Variants in MRPL18 observed in about 807,000 individuals in gnomAD.
The protein encoded by MRPL18 is mitochondrial ribosomal protein L18.
MRPL18 carries 16 observed loss-of-function variants against 20.9 expected under a neutral mutation model. That is an observed-to-expected ratio of 0.76 (90% CI 0.52 to 1.16). The LOEUF (loss-of-function observed/expected upper bound fraction) is 1.16. MRPL18 is among the 50% of genes most tolerant of loss of function. The probability of loss-of-function intolerance (pLI) is 0.00; values close to 1 mark genes in which losing one functional copy is unlikely to be tolerated. For missense variants in MRPL18, 233 were observed against 230.6 expected, an observed-to-expected ratio of 1.01 and a Z score of -0.07; for synonymous variants, 91 against 87.1, an observed-to-expected ratio of 1.04 and a Z score of -0.25.
chr6:159,797,231 T>C, intron 2 of MRPL18, 56 bp from the exon 3 acceptor site: 1 of 1,467,568 alleles, frequency 6.8e-7, no homozygotes, highest in Admixed American at 1.7e-5. Context: ...CCTCAATTAA[T>C]GTAACTTTAG....
intron 1 of MRPL18, 119 bp downstream of exon 1, chr6:159,790,758 C>G: frequency 6.9e-7 from 1 of 1,442,924 alleles, no homozygotes; most frequent in Non-Finnish European, 9.5e-7. Flanking sequence ...CGCGGCACTG[C>G]GAAGACCACA....
chr6:159,797,610 A>G, intron 3 of MRPL18, 92 bp downstream of exon 3: 1 of 1,195,790 alleles, frequency 8.4e-7, no homozygotes, highest in Admixed American at 2.0e-5. Context: ...TTACTTACCA[A>G]ATACTTTCCA....
intron 3 of MRPL18, 95 bp from the exon 4 acceptor site, chr6:159,797,956 TC>T (rs1405461947): frequency 3.9e-6 from 4 of 1,029,196 alleles, no homozygotes; most frequent in African/African-American, 3.3e-5. Flanking sequence ...CAAGAACAAA[TC>T]AATTTATTTC....
chr6:159,797,636 G>A (rs1309705592), intron 3 of MRPL18, 118 bp downstream of exon 3: 1 of 881,284 alleles, frequency 1.1e-6, no homozygotes, highest in African/African-American at 1.7e-5. Context: ...CAGACCCTTT[G>A]GTGAGTACTC....
intron 2 of MRPL18, 81 bp downstream of exon 2, chr6:159,791,207 A>G (rs949230430): frequency 6.6e-7 from 1 of 1,522,876 alleles, no homozygotes; most frequent in East Asian, 2.3e-5. Context: ...GCACTCTCCC[A>G]GGTAGCTGCC....
rs34648343 is a variant in MRPL18 at position 159,793,363 on chromosome 6, C to CT, written c.239+2244dup. ...ATTGTGAGCTAAAAACTTGTTTTTA[C>CT]TTTTTTTAAGTTAAAAAAAAAATCA... is the stretch of plus-strand genomic sequence containing the variant. On this transcript the variant is annotated intron_variant, in intron 2 of 3. Coordinates refer to ENST00000367034, the MANE Select transcript of MRPL18 (RefSeq NM_014161.5). 2.0e-5 allele frequency among the ~76,000 whole-genome samples: 3 copies of CT among 150,794 alleles called. No homozygotes were observed. In the South Asian group the frequency reaches 6.3e-4, roughly 31 times the overall value.
At chr6:159,793,689 C>A (rs1780962788) in intron 2 of MRPL18, among the ~76,000 whole-genome samples, 1 of 152,092 alleles carries the variant, frequency 6.6e-6, no homozygotes, top group South Asian at 2.1e-4. Flanking sequence ...GCGGGCGGAT[C>A]ACGAGGTCAG....
chr6:159,791,571 CGA>C (rs1428847665), intron 2 of MRPL18, among the ~76,000 whole-genome samples: 1 of 152,134 alleles, frequency 6.6e-6, no homozygotes, highest in African/African-American at 2.4e-5. Flanking sequence ...TGGGAAACTA[CGA>C]GAGGATTTAA....
At chr6:159,797,607 C>T in intron 3 of MRPL18, 89 bp downstream of exon 3, 1 of 1,239,730 alleles carries the variant, frequency 8.1e-7, no homozygotes, top group Non-Finnish European at 1.1e-6. Context: ...TTTTTACTTA[C>T]CAAATACTTT....
At chr6:159,789,978 C>G (rs1364929865), upstream of MRPL18, 1 of 177,188 alleles carries the variant, frequency 5.6e-6, no homozygotes, top group African/African-American at 2.4e-5. Context: ...GCGAGTCGTG[C>G]GTTTTAGGTT....
intron 2 of MRPL18, among the ~76,000 whole-genome samples, chr6:159,793,003 AT>A (rs1196483335): frequency 1.5e-5 from 2 of 137,276 alleles, no homozygotes; most frequent in East Asian, 4.3e-4. Context: ...TTTTTCTGGT[AT>A]TTTTTGTAGA....
chr6:159,797,472 A>G lies in MRPL18; in HGVS notation c.425A>G (p.Asn142Ser). The G allele has an allele frequency of 6.2e-7, 1 of 1,614,242 alleles. No individual in the cohort carries two copies. Among genetic ancestry groups the G allele is most frequent in the Non-Finnish European group, 8.5e-7 (1 of 1,180,042 alleles). ...LAQRCLEAGI[N>S]FMVYQPTPWE... ...CAGAGATGCTTAGAGGCGGGAATCA[A>G]CTTCATGGTCTACCAACCAACCCCG... The change falls in exon 3 of 4, where the codon AAC becomes AGC. Residue 142 changes from asparagine to serine, a missense_variant. Coordinates refer to ENST00000367034, the MANE Select transcript of MRPL18 (RefSeq NM_014161.5).
At chr6:159,797,910 C>A in intron 3 of MRPL18, 142 bp from the exon 4 acceptor site, 1 of 663,546 alleles carries the variant, frequency 1.5e-6, no homozygotes, top group South Asian at 2.0e-5. Flanking sequence ...TTATTAAGAT[C>A]ACTTTCTGAA....
intron 2 of MRPL18, among the ~76,000 whole-genome samples, chr6:159,796,149 T>TTA (rs951607580): frequency 5.5e-5 from 7 of 126,498 alleles, no homozygotes; most frequent in African/African-American, 2.0e-4. Flanking sequence ...TTTTTTTTTT[T>TTA]AACCATGCAG....
chr6:159,793,581 T>C (rs187731985), intron 2 of MRPL18, among the ~76,000 whole-genome samples: 1 of 152,230 alleles, frequency 6.6e-6, no homozygotes, highest in African/African-American at 2.4e-5. Context: ...ATCTGGCACT[T>C]TGTGGAAAAA....
Position 159,790,652 on chromosome 6 carries a change from G to C in MRPL18, c.52+13G>C, listed in dbSNP as rs746903005. 6.2e-7 allele frequency: 1 copy of C among 1,613,854 alleles called. No homozygotes were observed. Among genetic ancestry groups the C allele is most frequent in the Non-Finnish European group, 8.5e-7 (1 of 1,179,844 alleles). The stretch of plus-strand genomic sequence containing the variant: ...TGCAGGAACCCTGGTAATTAGTCTT[G>C]CCCCCCTTCTCCCAGCTCACTCGCC... On this transcript the variant is annotated intron_variant, in intron 1 of 3. Transcript: ENST00000367034.
chr6:159,796,761 G>T (rs1781038791), intron 2 of MRPL18, among the ~76,000 whole-genome samples: 1 of 152,110 alleles, frequency 6.6e-6, no homozygotes. Flanking sequence ...TCCGAGCTGG[G>T]TGACAGTGAG....
intron 3 of MRPL18, 28 bp from the exon 4 acceptor site, chr6:159,798,024 T>C (rs766408376): frequency 2.5e-6 from 4 of 1,596,432 alleles, no homozygotes; most frequent in Non-Finnish European, 3.4e-6. Flanking sequence ...CTTAATCTTT[T>C]CCTTTTTTTT....
At chr6:159,790,247 G>A (rs994858790), upstream of MRPL18, among the ~76,000 whole-genome samples, 1 of 152,156 alleles carries the variant, frequency 6.6e-6, no homozygotes, top group South Asian at 2.1e-4. Context: ...CAAGCTCTCC[G>A]AGTAGAAAAC....
Sources: allele counts gnomAD v4.1 joint callset (sites outside exome capture counted in the v4.1 genomes callset), GRCh38; gene constraint gnomAD v4.1.1; transcripts MANE v1.5; gene names NCBI Gene and HGNC (gene_info 2026-07-23, HGNC 2026-07-21).